The following XXYLT1 variants were observed in gnomAD, a reference collection of about 807,000 sequenced individuals.
XXYLT1 encodes xyloside xylosyltransferase 1, also known as UDP-xylose:alpha-xyloside alpha-1,3-xylosyltransferase.
A neutral mutation model predicts 28.9 loss-of-function variants in XXYLT1; 20 were observed. The ratio of observed to expected loss-of-function variants is 0.69; its 90% CI spans 0.49 to 1.00. The LOEUF (loss-of-function observed/expected upper bound fraction) is 1.00, where lower values mean the gene tolerates loss of function less well. Ranked by LOEUF, XXYLT1 falls within the 50% of genes least tolerant of loss-of-function variation. The pLI, the probability that XXYLT1 is intolerant of heterozygous loss-of-function variation, is 0.00. For missense variants in XXYLT1, 542 were observed against 560.1 expected, an observed-to-expected ratio of 0.97 and a Z score of 0.33; for synonymous variants, 257 against 253.8, an observed-to-expected ratio of 1.01 and a Z score of -0.12.
Position 195,077,202 on chromosome 3 carries a change from G to A in XXYLT1, c.786-7091C>T, listed in dbSNP as rs890188065. On this transcript the variant is annotated intron_variant, in intron 3 of 3. Transcript: ENST00000310380. This position sits in a 1 kb window ranked among gnomAD's most constrained non-coding sequence, Gnocchi z 4.8. ...CAGGGAAAGGCAGGTGTCAGTGGCT[G>A]GGGAAGGGAAAAGCAGAGGGATGGG... Among the ~76,000 whole-genome samples, 22 of 152,300 alleles carry A rather than the reference G, an allele frequency of 1.4e-4. No homozygotes were observed. Among genetic ancestry groups the A allele is most frequent in the Non-Finnish European group, 2.9e-4 (20 of 68,028 alleles).
chr3:195,155,620 G>C (rs1720542598), intron 3 of XXYLT1, among the ~76,000 whole-genome samples: 1 of 151,428 alleles, frequency 6.6e-6, no homozygotes, highest in Non-Finnish European at 1.5e-5. Flanking sequence ...GTGGGGAACT[G>C]AGACCTTGCA....
intron 3 of XXYLT1, among the ~76,000 whole-genome samples, chr3:195,093,574 A>T (rs1160594440): frequency 1.3e-5 from 2 of 150,416 alleles, no homozygotes; most frequent in African/African-American, 4.9e-5. Context: ...GGATATACCT[A>T]ATGCTAGATG....
intron 3 of XXYLT1, among the ~76,000 whole-genome samples, chr3:195,127,808 C>T (rs1343562715): frequency 6.2e-5 from 9 of 145,912 alleles, no homozygotes; most frequent in South Asian, 2.3e-4. Flanking sequence ...AAGAGCAAAA[C>T]GCCATGTAGA....
intron 2 of XXYLT1, among the ~76,000 whole-genome samples, chr3:195,158,837 T>C (rs1196723285): frequency 6.6e-6 from 1 of 152,198 alleles, no homozygotes; most frequent in African/African-American, 2.4e-5. Context: ...AGAAAGATGC[T>C]TACTAGGAAT....
intron 2 of XXYLT1, among the ~76,000 whole-genome samples, chr3:195,187,362 C>A (rs549305423): frequency 1.1e-4 from 16 of 152,310 alleles, no homozygotes; most frequent in African/African-American, 3.8e-4. Flanking sequence ...CATGCCCGGC[C>A]AGCTGAAGCT....
At chr3:195,214,208 T>C (rs1349561798) in intron 2 of XXYLT1, among the ~76,000 whole-genome samples, 1 of 152,142 alleles carries the variant, frequency 6.6e-6, no homozygotes, top group Non-Finnish European at 1.5e-5. Context: ...TTCTCCTGCC[T>C]CAGGGCTAAG....
intron 2 of XXYLT1, among the ~76,000 whole-genome samples, chr3:195,172,324 G>A (rs1553815126): frequency 6.6e-6 from 1 of 152,192 alleles, no homozygotes; most frequent in Non-Finnish European, 1.5e-5. Flanking sequence ...GTTTCGCTCA[G>A]GAGGAAAAAC....
chr3:195,249,158 C>G (rs1043462026), intron 1 of XXYLT1, among the ~76,000 whole-genome samples: 11 of 152,120 alleles, frequency 7.2e-5, no homozygotes, highest in African/African-American at 2.2e-4. Flanking sequence ...AGGCCAAGTG[C>G]GGCACCAGCA....
In XXYLT1 at chr3:195,240,825, C is replaced by T. The variant is rs956705128; in HGVS notation, c.505-13969G>A. Among the ~76,000 whole-genome samples, 1 of 152,214 alleles carries T rather than the reference C, an allele frequency of 6.6e-6. No homozygotes were observed. The highest frequency in any genetic ancestry group is 1.5e-5 in the Non-Finnish European group (1 of 68,038). Reference sequence around the variant, plus strand: ...CCTGAAGGAACCATAAACTGGGGGACTGAGGCAGGAGGATCGCTTGAACCT... The same window carrying T: ...CCTGAAGGAACCATAAACTGGGGGATTGAGGCAGGAGGATCGCTTGAACCT... On this transcript the variant is annotated intron_variant, in intron 1 of 3. Transcript: ENST00000310380. This position sits in a 1 kb window ranked among gnomAD's most constrained non-coding sequence, Gnocchi z 4.7.
intron 1 of XXYLT1, among the ~76,000 whole-genome samples, chr3:195,250,108 T>C (rs921296761): frequency 3.9e-5 from 6 of 152,200 alleles, no homozygotes; most frequent in African/African-American, 1.4e-4. Context: ...TGATGTCCAC[T>C]GTGCTCACCC....
Position 195,192,565 on chromosome 3 carries a change from G to T in XXYLT1, c.652+34144C>A, listed in dbSNP as rs1051611187. Among the ~76,000 whole-genome samples, 8 of 152,008 alleles carry T rather than the reference G, an allele frequency of 5.3e-5. 1 individual carries two copies. The highest frequency in any genetic ancestry group is 5.2e-4 in the Admixed American group (8 of 15,274). Reference sequence around the variant, plus strand: ...TAAACTCTATCTATCAATACAAAAAGAATTACATAGAATAGCTAAGTGAAG... The same window carrying T: ...TAAACTCTATCTATCAATACAAAAATAATTACATAGAATAGCTAAGTGAAG... On this transcript the variant is annotated intron_variant, in intron 2 of 3. Coordinates refer to ENST00000310380, the MANE Select transcript of XXYLT1 (RefSeq NM_152531.5).
intron 1 of XXYLT1, among the ~76,000 whole-genome samples, chr3:195,269,108 G>A (rs1454689078): frequency 1.3e-5 from 2 of 152,256 alleles, no homozygotes; most frequent in Non-Finnish European, 2.9e-5. Flanking sequence ...TGCAGCTAGC[G>A]CTGCAGCGGG....
At chr3:195,112,730 G>A (rs951206068) in intron 3 of XXYLT1, among the ~76,000 whole-genome samples, 28 of 135,448 alleles carry the variant, frequency 2.1e-4, no homozygotes, top group African/African-American at 7.8e-4. Flanking sequence ...TCCCAGCCCC[G>A]GGTGGTAGGA....
chr3:195,095,083 C>T (rs1716350926), intron 3 of XXYLT1, among the ~76,000 whole-genome samples: 1 of 152,224 alleles, frequency 6.6e-6, no homozygotes, highest in East Asian at 1.9e-4. Flanking sequence ...GGTCTGCAGG[C>T]CACACTTTTG....
intron 3 of XXYLT1, among the ~76,000 whole-genome samples, chr3:195,073,394 C>T (rs1019430708): frequency 4.6e-5 from 7 of 152,156 alleles, no homozygotes; most frequent in African/African-American, 1.2e-4. Context: ...GTCTGTGGCA[C>T]GTGCAGAGGC....
chr3:195,086,389 C>T (rs1715728441), intron 3 of XXYLT1, among the ~76,000 whole-genome samples: 1 of 152,194 alleles, frequency 6.6e-6, no homozygotes, highest in African/African-American at 2.4e-5. Flanking sequence ...CGGCCGCTCC[C>T]CTACCCCTGC....
At chr3:195,111,496 G>A (rs929401517) in intron 3 of XXYLT1, among the ~76,000 whole-genome samples, 1 of 152,116 alleles carries the variant, frequency 6.6e-6, no homozygotes, top group African/African-American at 2.4e-5. Flanking sequence ...TGAGTGGGCT[G>A]GGCCTGTGTG....
At chr3:195,241,218 G>C (rs1205984024) in intron 1 of XXYLT1, among the ~76,000 whole-genome samples, 1 of 152,158 alleles carries the variant, frequency 6.6e-6, no homozygotes, top group East Asian at 1.9e-4. Context: ...TGTGATGTCT[G>C]GTATCCATAC....
At chr3:195,125,039 G>T (rs1249485667) in intron 3 of XXYLT1, among the ~76,000 whole-genome samples, 5 of 152,086 alleles carry the variant, frequency 3.3e-5, no homozygotes, top group African/African-American at 4.8e-5. Flanking sequence ...CAGTTACAGG[G>T]AAAGAGAAAA....
Sources: allele counts gnomAD v4.1 joint callset (sites outside exome capture counted in the v4.1 genomes callset), GRCh38; gene constraint gnomAD v4.1.1; non-coding constraint Gnocchi (gnomAD v3.1); transcripts MANE v1.5; gene names NCBI Gene and HGNC (gene_info 2026-07-23, HGNC 2026-07-21).